KLHDC1: variants seen among roughly 807,000 people sequenced by gnomAD.
KLHDC1 encodes the protein kelch domain containing 1, also known as kelch domain-containing protein 1.
Under a neutral mutation model 68.3 loss-of-function variants are expected in KLHDC1, and 53 were observed. The observed-to-expected ratio is 0.78, with a 90% CI of 0.62 to 0.98. The LOEUF is 0.98. Ranked by LOEUF, KLHDC1 falls within the 50% of genes least tolerant of loss-of-function variation. The pLI is 0.00. For synonymous variants in KLHDC1, 148 were observed against 159.0 expected, an observed-to-expected ratio of 0.93 and a Z score of 0.52; for missense variants, 470 against 492.3, an observed-to-expected ratio of 0.95 and a Z score of 0.43.
intron 1 of KLHDC1, among the ~76,000 whole-genome samples, chr14:49,694,362 T>C (rs1887672320): frequency 6.6e-6 from 1 of 152,100 alleles, no homozygotes; most frequent in Non-Finnish European, 1.5e-5. Context: ...CTCCCTACCA[T>C]TATGTGACAG....
At chr14:49,696,647 C>G (rs186089128) in intron 1 of KLHDC1, among the ~76,000 whole-genome samples, 70 of 152,312 alleles carry the variant, frequency 4.6e-4, no homozygotes, top group African/African-American at 1.5e-3. Context: ...GCTGTATGAT[C>G]TTGTATCCAG....
chr14:49,735,168 T>G (rs1303762909), intron 10 of KLHDC1, among the ~76,000 whole-genome samples: 1 of 151,908 alleles, frequency 6.6e-6, no homozygotes, highest in South Asian at 2.1e-4. Context: ...AATACGTTAT[T>G]TATGGTATAT....
chr14:49,721,325 G>A (rs532821597), intron 4 of KLHDC1, among the ~76,000 whole-genome samples: 1 of 151,848 alleles, frequency 6.6e-6, no homozygotes. Flanking sequence ...GGTATGCACC[G>A]CCACACCTTT....
At chr14:49,717,819 A>G (rs1471740819) in intron 4 of KLHDC1, among the ~76,000 whole-genome samples, 1 of 152,070 alleles carries the variant, frequency 6.6e-6, no homozygotes, top group Non-Finnish European at 1.5e-5. Flanking sequence ...CGTTTTGATT[A>G]CTGATTCAAT....
At chr14:49,734,945 A>T (rs1270768828) in intron 10 of KLHDC1, among the ~76,000 whole-genome samples, 1 of 152,148 alleles carries the variant, frequency 6.6e-6, no homozygotes. Flanking sequence ...GATAATTAAA[A>T]GCATCATATG....
intron 10 of KLHDC1, among the ~76,000 whole-genome samples, chr14:49,737,309 T>G (rs1261659829): frequency 1.3e-5 from 2 of 152,194 alleles, no homozygotes; most frequent in East Asian, 3.9e-4. Flanking sequence ...TCTAATGACT[T>G]AGTTCCATTT....
At chr14:49,745,426 T>G (rs1321004261) in intron 12 of KLHDC1, among the ~76,000 whole-genome samples, 2 of 152,162 alleles carry the variant, frequency 1.3e-5, no homozygotes, top group African/African-American at 4.8e-5. Flanking sequence ...GAGTGCCTAC[T>G]TGGGAAGGCA....
At chr14:49,735,682 A>G (rs1888914909) in intron 10 of KLHDC1, among the ~76,000 whole-genome samples, 1 of 151,946 alleles carries the variant, frequency 6.6e-6, no homozygotes, top group Non-Finnish European at 1.5e-5. Flanking sequence ...CTCAGCTACT[A>G]CCTACTTTTT....
At chr14:49,703,443 A>G (rs1275141969) in intron 1 of KLHDC1, among the ~76,000 whole-genome samples, 2 of 151,934 alleles carry the variant, frequency 1.3e-5, no homozygotes. Context: ...CCTGGGTTCA[A>G]GTGATCCTCC....
chr14:49,737,786 G>A (rs1490832909), intron 10 of KLHDC1, among the ~76,000 whole-genome samples: 1 of 148,562 alleles, frequency 6.7e-6, no homozygotes, highest in Admixed American at 6.8e-5. Flanking sequence ...GATCACTTGA[G>A]CCTGGGAGAC....
chr14:49,718,263 T>G (rs544226057), intron 4 of KLHDC1, among the ~76,000 whole-genome samples: 1 of 152,220 alleles, frequency 6.6e-6, no homozygotes, highest in Non-Finnish European at 1.5e-5. Flanking sequence ...TTCTTCATGG[T>G]ATTCTGGTGG....
At chr14:49,699,023 G>T (rs1456144781) in intron 1 of KLHDC1, among the ~76,000 whole-genome samples, 1 of 151,654 alleles carries the variant, frequency 6.6e-6, no homozygotes, top group Non-Finnish European at 1.5e-5. Flanking sequence ...AAATAGCCAG[G>T]CGTGGTGGCA....
intron 10 of KLHDC1, among the ~76,000 whole-genome samples, chr14:49,738,168 C>T (rs981701645): frequency 1.3e-5 from 2 of 151,756 alleles, no homozygotes; most frequent in Non-Finnish European, 2.9e-5. Flanking sequence ...GCTGGGACTA[C>T]AGGCGAAAAT....
At chr14:49,722,447 A>T (rs1888552410) in intron 4 of KLHDC1, among the ~76,000 whole-genome samples, 1 of 152,074 alleles carries the variant, frequency 6.6e-6, no homozygotes, top group South Asian at 2.1e-4. Context: ...ACATGAACTC[A>T]TCCTTTTTTA....
intron 1 of KLHDC1, among the ~76,000 whole-genome samples, chr14:49,697,873 G>A (rs1449857064): frequency 6.6e-6 from 1 of 152,234 alleles, no homozygotes; most frequent in South Asian, 2.1e-4. Flanking sequence ...AAAAGGAGTC[G>A]ATTAGAGTAA....
chr14:49,734,988 A>T (rs768583084), intron 10 of KLHDC1, among the ~76,000 whole-genome samples: 6 of 152,068 alleles, frequency 3.9e-5, no homozygotes, highest in Non-Finnish European at 8.8e-5. Flanking sequence ...TAATTTTAAT[A>T]AGCAGACAAA....
chr14:49,693,311 G>C (rs1053490317), intron 1 of KLHDC1, 21 bp downstream of exon 1: 2 of 1,451,760 alleles, frequency 1.4e-6, no homozygotes, highest in Non-Finnish European at 1.8e-6. Flanking sequence ...GAGGCGGGAC[G>C]GGGTAGACTC....
At chr14:49,713,014 A>G (rs1888248821) in intron 4 of KLHDC1, among the ~76,000 whole-genome samples, 1 of 140,786 alleles carries the variant, frequency 7.1e-6, no homozygotes, top group Non-Finnish European at 1.5e-5. Flanking sequence ...CAGTGGCGCG[A>G]TCTCAGCTCA....
intron 10 of KLHDC1, among the ~76,000 whole-genome samples, chr14:49,735,590 A>G (rs1031571657): frequency 8.6e-5 from 13 of 151,988 alleles, no homozygotes; most frequent in African/African-American, 2.9e-4. Flanking sequence ...TTACTTTAAC[A>G]TTTCTGGCTC....
Sources: gnomAD v4.1 joint callset for allele counts (sites outside exome capture counted in the v4.1 genomes callset) on GRCh38, gnomAD v4.1.1 for gene constraint, MANE v1.5 for transcripts, NCBI Gene and HGNC (gene_info 2026-07-23, HGNC 2026-07-21) for gene names.